The following ANKS1B variants were observed in gnomAD, a reference collection of about 807,000 sequenced individuals.
ANKS1B encodes the protein ankyrin repeat and sterile alpha motif domain containing 1B, also known as ankyrin repeat and sterile alpha motif domain-containing protein 1B.
In ANKS1B, 36 loss-of-function variants were observed where a neutral mutation model predicts 148.3. The ratio of observed to expected loss-of-function variants is 0.24; its 90% confidence interval spans 0.19 to 0.32. ANKS1B has a LOEUF of 0.32. ANKS1B is among the 10% of genes least tolerant of loss of function. ANKS1B has a pLI of 1.00. For synonymous variants in ANKS1B, 542 were observed against 560.8 expected, an observed-to-expected ratio of 0.97 and a Z score of 0.47; for missense variants, 1,157 against 1,542.6, an observed-to-expected ratio of 0.75 and a Z score of 4.19.
At chr12:99,665,168 A>T (rs2098499724) in intron 8 of ANKS1B, among the ~76,000 whole-genome samples, 2 of 152,178 alleles carry the variant, frequency 1.3e-5, no homozygotes, top group Non-Finnish European at 2.9e-5. Context: ...TAAATGCATC[A>T]AACTTTTTAA....
At chr12:99,975,118 A>AC (rs1336703277) in intron 1 of ANKS1B, among the ~76,000 whole-genome samples, 2 of 150,414 alleles carry the variant, frequency 1.3e-5, no homozygotes, top group East Asian at 2.0e-4. Context: ...GCACCACAGC[A>AC]CCCCGGCCTG....
chr12:99,328,272 A>G (rs1216998222), intron 12 of ANKS1B, among the ~76,000 whole-genome samples: 2 of 151,992 alleles, frequency 1.3e-5, no homozygotes, highest in South Asian at 2.1e-4. Flanking sequence ...TGAACTTGAC[A>G]GTCTGAGAAG....
intron 1 of ANKS1B, among the ~76,000 whole-genome samples, chr12:99,839,671 TC>T (rs1224617035): frequency 6.6e-6 from 1 of 152,068 alleles, no homozygotes; most frequent in African/African-American, 2.4e-5. Context: ...ACTCAATAAA[TC>T]CTCATAGCAA....
chr12:98,787,603 T>C (rs897005513), intron 22 of ANKS1B, among the ~76,000 whole-genome samples: 1 of 152,050 alleles, frequency 6.6e-6, no homozygotes, highest in African/African-American at 2.4e-5. Context: ...TAATGTATCG[T>C]AACAAGCACG....
At chr12:99,929,215 C>G (rs2094549733) in intron 1 of ANKS1B, among the ~76,000 whole-genome samples, 1 of 152,164 alleles carries the variant, frequency 6.6e-6, no homozygotes, top group African/African-American at 2.4e-5. Context: ...GCCATTAAGA[C>G]TCTTCACACA....
chr12:98,856,519 C>T (rs2099572552), intron 17 of ANKS1B, among the ~76,000 whole-genome samples: 2 of 152,168 alleles, frequency 1.3e-5, no homozygotes, highest in Admixed American at 6.5e-5. Context: ...TGCATGAAGA[C>T]TGATTTGTTA....
chr12:99,945,489 T>C (rs970582587), intron 1 of ANKS1B, among the ~76,000 whole-genome samples: 6 of 152,130 alleles, frequency 3.9e-5, no homozygotes, highest in African/African-American at 1.2e-4. Context: ...AGATGATCCT[T>C]GAAAACAAAT....
chr12:99,787,299 T>C (rs1189337541), intron 4 of ANKS1B, among the ~76,000 whole-genome samples: 1 of 152,190 alleles, frequency 6.6e-6, no homozygotes, highest in Non-Finnish European at 1.5e-5. Flanking sequence ...CTAATGGTTT[T>C]ATAAGGAGCT....
intron 9 of ANKS1B, among the ~76,000 whole-genome samples, chr12:99,530,565 T>G (rs2096977952): frequency 1.3e-5 from 2 of 152,194 alleles, no homozygotes; most frequent in African/African-American, 2.4e-5. Flanking sequence ...ACCACTGTAT[T>G]AAAAAAATCA....
intron 1 of ANKS1B, among the ~76,000 whole-genome samples, chr12:99,904,523 A>G (rs556666424): frequency 1.3e-5 from 2 of 152,242 alleles, no homozygotes; most frequent in Non-Finnish European, 2.9e-5. Flanking sequence ...CACACAGTAC[A>G]TTATATTCTG....
intron 17 of ANKS1B, among the ~76,000 whole-genome samples, chr12:98,919,171 T>A (rs1231172110): frequency 6.6e-6 from 1 of 152,208 alleles, no homozygotes; most frequent in Non-Finnish European, 1.5e-5. Context: ...TTGGAAAATG[T>A]TTTTGCTTTT....
chr12:98,846,593 A>G (rs2099472627), intron 17 of ANKS1B, among the ~76,000 whole-genome samples: 1 of 152,254 alleles, frequency 6.6e-6, no homozygotes, highest in Admixed American at 6.5e-5. Context: ...ATGATTCTGG[A>G]GGTGGAGGAT....
At chr12:99,363,186 A>T (rs749036633) in intron 12 of ANKS1B, among the ~76,000 whole-genome samples, 1 of 152,116 alleles carries the variant, frequency 6.6e-6, no homozygotes, top group Non-Finnish European at 1.5e-5. Context: ...GACTTCACAA[A>T]TTCCACTTTT....
At chr12:98,852,806 T>C (rs745817451) in intron 17 of ANKS1B, among the ~76,000 whole-genome samples, 1 of 152,128 alleles carries the variant, frequency 6.6e-6, no homozygotes, top group Non-Finnish European at 1.5e-5. Context: ...TGGAATATGA[T>C]ATATTCCATA....
intron 12 of ANKS1B, among the ~76,000 whole-genome samples, chr12:99,284,638 C>T (rs1460051067): frequency 6.6e-6 from 1 of 152,136 alleles, no homozygotes; most frequent in Non-Finnish European, 1.5e-5. Flanking sequence ...CCAGTCTCTT[C>T]ATTGCTTCTG....
At chr12:98,851,152 T>C (rs1372510079) in intron 17 of ANKS1B, among the ~76,000 whole-genome samples, 1 of 152,136 alleles carries the variant, frequency 6.6e-6, no homozygotes. Context: ...CTTCAGCAAA[T>C]ACACATTGAG....
At chr12:99,964,066 T>C (rs1025694349) in intron 1 of ANKS1B, among the ~76,000 whole-genome samples, 5 of 152,130 alleles carry the variant, frequency 3.3e-5, no homozygotes, top group African/African-American at 9.7e-5. Flanking sequence ...CAAAAAAATA[T>C]ATAAAGATTT....
At chr12:99,594,774 A>C (rs1173967984) in intron 9 of ANKS1B, among the ~76,000 whole-genome samples, 1 of 152,020 alleles carries the variant, frequency 6.6e-6, no homozygotes, top group African/African-American at 2.4e-5. Flanking sequence ...ATGCAAGATG[A>C]ATAAGCTCTA....
chr12:99,464,504 A>G (rs2096061068), intron 10 of ANKS1B, among the ~76,000 whole-genome samples: 1 of 152,222 alleles, frequency 6.6e-6, no homozygotes, highest in Admixed American at 6.5e-5. Flanking sequence ...AAGCTACAGG[A>G]GGAAATTCAA....
Sources: allele counts gnomAD v4.1 joint callset (sites outside exome capture counted in the v4.1 genomes callset), GRCh38; gene constraint gnomAD v4.1.1; transcripts MANE v1.5; gene names NCBI Gene and HGNC (gene_info 2026-07-23, HGNC 2026-07-21).